The following PDE11A variants were observed in gnomAD, a reference collection of about 807,000 sequenced individuals.
PDE11A encodes the protein phosphodiesterase 11A, also known as dual 3',5'-cyclic-AMP and -GMP phosphodiesterase 11A.
A neutral mutation model predicts 100.5 loss-of-function variants in PDE11A; 100 were observed. That is an observed-to-expected ratio of 1.00 (90% CI 0.85 to 1.18). The LOEUF is 1.18. Among genes scored for constraint, PDE11A ranks in the 50% most tolerant of loss-of-function variants. The probability of loss-of-function intolerance (pLI) is 0.00; values close to 1 mark genes in which losing one functional copy is unlikely to be tolerated. For missense variants in PDE11A, 1,141 were observed against 1,152.6 expected (o/e 0.99, Z 0.15); for synonymous variants, 381 against 420.8 (o/e 0.91, Z 1.16).
At chr2:178,002,149 A>G (rs2086152692) in intron 2 of PDE11A, among the ~76,000 whole-genome samples, 1 of 152,156 alleles carries the variant, frequency 6.6e-6, no homozygotes, top group African/African-American at 2.4e-5. Flanking sequence ...GCTCCCACTT[A>G]AAAGTGAAAA....
chr2:177,742,499 T>G (rs957544893), intron 10 of PDE11A, among the ~76,000 whole-genome samples: 14 of 152,206 alleles, frequency 9.2e-5, no homozygotes, highest in Non-Finnish European at 1.8e-4. Flanking sequence ...TCCATCGAAG[T>G]TGCTGTGCAG....
intron 2 of PDE11A, chr2:177,953,351 T>C (rs1047787760): frequency 2.6e-5 from 4 of 152,090 alleles, no homozygotes; most frequent in Admixed American, 6.6e-5. Context: ...TCATTCCAAA[T>C]AGAAAATCAC....
chr2:178,062,684 T>C (rs1160027159), intron 1 of PDE11A, among the ~76,000 whole-genome samples: 1 of 152,240 alleles, frequency 6.6e-6, no homozygotes, highest in Non-Finnish European at 1.5e-5. Flanking sequence ...TGTTAGTTCA[T>C]TAAACTGTGC....
intron 9 of PDE11A, among the ~76,000 whole-genome samples, chr2:177,800,510 TAACTGTAGTTCATTCAA>T: frequency 6.6e-6 from 1 of 152,196 alleles, no homozygotes; most frequent in East Asian, 1.9e-4. Context: ...TTTAATCACC[TAACTGTAGTTCATTCAA>T]AAACCCTCGT....
At position 177,849,559 on chromosome 2, in the gene PDE11A, C is replaced by T. The variant is rs189799630; in HGVS notation, c.1368-9176G>A. On this transcript the variant is annotated intron_variant, in intron 5 of 19. Transcript: ENST00000286063. ...CACCAATAACAGACAAACAGAGAGC[C>T]AAATCATGAGTGAACTCCCATTCAC... 7.2e-3 allele frequency among the ~76,000 whole-genome samples: 1,097 copies of T among 152,112 alleles called. 12 individuals carry two copies. Among genetic ancestry groups the T allele is most frequent in the African/African-American group, 0.025 (1,022 of 41,492 alleles).
At chr2:177,877,473 T>C (rs1252183712) in intron 4 of PDE11A, among the ~76,000 whole-genome samples, 2 of 152,156 alleles carry the variant, frequency 1.3e-5, no homozygotes, top group Non-Finnish European at 2.9e-5. Flanking sequence ...CCAAAGGTTA[T>C]CTTATTATGC....
At chr2:177,636,726 TG>T (rs1456226597) in intron 19 of PDE11A, among the ~76,000 whole-genome samples, 1 of 152,168 alleles carries the variant, frequency 6.6e-6, no homozygotes. Context: ...TTCTTTATGG[TG>T]GGGGCTGTCT....
chr2:177,929,066 T>C (rs10198681), intron 2 of PDE11A, among the ~76,000 whole-genome samples: 13,137 of 152,098 alleles, frequency 0.086, 538 homozygotes, highest in South Asian at 0.1. Context: ...CAGGGGAACT[T>C]GAGTGTTGCA....
chr2:178,064,768 G>C (rs1428809205), intron 1 of PDE11A, among the ~76,000 whole-genome samples: 1 of 151,644 alleles, frequency 6.6e-6, no homozygotes, highest in Non-Finnish European at 1.5e-5. Flanking sequence ...AATTCAGCCT[G>C]GGCAACATAG....
chr2:177,858,698 G>A (rs917148537), intron 5 of PDE11A, among the ~76,000 whole-genome samples: 5 of 152,254 alleles, frequency 3.3e-5, no homozygotes, highest in Middle Eastern at 3.4e-3. Context: ...TGATTCCTCA[G>A]GGATCTAGAA....
chr2:178,031,341 G>A (rs1283561644), intron 1 of PDE11A, among the ~76,000 whole-genome samples: 2 of 152,036 alleles, frequency 1.3e-5, no homozygotes, highest in Non-Finnish European at 2.9e-5. Context: ...CACAGTAGGA[G>A]CTAAGAAAAA....
At chr2:177,892,983 CTG>C (rs1472360740) in intron 4 of PDE11A, among the ~76,000 whole-genome samples, 3 of 152,128 alleles carry the variant, frequency 2.0e-5, no homozygotes, top group African/African-American at 7.2e-5. Context: ...CTCTTTTTTC[CTG>C]CCATGATGCC....
chr2:178,073,580 G>C (rs2087166675), upstream of PDE11A, among the ~76,000 whole-genome samples: 1 of 151,996 alleles, frequency 6.6e-6, no homozygotes, highest in South Asian at 2.1e-4. Flanking sequence ...TGGTGATCAA[G>C]ATTTAAAAAG....
intron 4 of PDE11A, among the ~76,000 whole-genome samples, chr2:177,881,457 A>G (rs1246544771): frequency 6.6e-6 from 1 of 152,122 alleles, no homozygotes; most frequent in African/African-American, 2.4e-5. Context: ...CATTTTAAAG[A>G]AGAAAAATTT....
chr2:178,063,321 T>C (rs1396065865), intron 1 of PDE11A, among the ~76,000 whole-genome samples: 4 of 152,198 alleles, frequency 2.6e-5, no homozygotes, highest in African/African-American at 7.2e-5. Flanking sequence ...TCAGGGATTA[T>C]GTATGTGTGG....
chr2:177,849,789 C>CA (rs71010822), intron 5 of PDE11A, among the ~76,000 whole-genome samples: 137,420 of 143,534 alleles, frequency 0.96, 65,943 homozygotes, highest in East Asian at 1. Flanking sequence ...GACTCCATCT[C>CA]AAAAAAAAAA....
At chr2:177,772,705 CCTTT>C (rs1474360192) in intron 9 of PDE11A, among the ~76,000 whole-genome samples, 3 of 136,258 alleles carry the variant, frequency 2.2e-5, no homozygotes, top group African/African-American at 3.1e-5. Context: ...CTTCCCACTT[CCTTT>C]ATTTAAAAAA....
intron 10 of PDE11A, among the ~76,000 whole-genome samples, chr2:177,735,273 AAT>A (rs1219487903): frequency 2.0e-5 from 3 of 152,208 alleles, no homozygotes; most frequent in African/African-American, 4.8e-5. Context: ...AACAGTTAAA[AAT>A]AGTTACTATG....
At chr2:177,731,894 A>G (rs1408324253) in intron 10 of PDE11A, among the ~76,000 whole-genome samples, 1 of 152,140 alleles carries the variant, frequency 6.6e-6, no homozygotes, top group Non-Finnish European at 1.5e-5. Flanking sequence ...TGTCACCATT[A>G]AGTCCCTTCC....
Sources: allele counts gnomAD v4.1 joint callset (sites outside exome capture counted in the v4.1 genomes callset), GRCh38; gene constraint gnomAD v4.1.1; transcripts MANE v1.5; gene names NCBI Gene and HGNC (gene_info 2026-07-23, HGNC 2026-07-21).